Variants in RIC1 observed in about 807,000 individuals in gnomAD.
RIC1 encodes the protein guanine nucleotide exchange factor subunit RIC1.
Under a neutral mutation model 169.0 loss-of-function variants are expected in RIC1, and 88 were observed. The ratio of observed to expected loss-of-function variants is 0.52; its 90% CI spans 0.44 to 0.62. RIC1 has a LOEUF of 0.62. RIC1 is among the 20% of genes least tolerant of loss of function. The pLI is 0.00. For missense variants in RIC1, 1,877 were observed against 1,725.5 expected (o/e 1.09, Z -1.56); for synonymous variants, 790 against 601.5 (o/e 1.31, Z -4.59).
At chr9:5,683,839 G>T (rs1258950241) in intron 2 of RIC1, among the ~76,000 whole-genome samples, 4 of 152,216 alleles carry the variant, frequency 2.6e-5, no homozygotes, top group Non-Finnish European at 4.4e-5. Context: ...CAAGCCTCGG[G>T]AATGGCGGGC....
At chr9:5,732,542 T>TC in intron 7 of RIC1, 63 bp downstream of exon 7, 1 of 1,039,592 alleles carries the variant, frequency 9.6e-7, no homozygotes, top group Non-Finnish European at 1.5e-6. Context: ...GTTTTTTTTT[T>TC]TGTAAACATA....
chr9:5,706,985 T>C (rs1822629902), intron 3 of RIC1, among the ~76,000 whole-genome samples: 1 of 152,182 alleles, frequency 6.6e-6, no homozygotes. Flanking sequence ...CCATAAGGTA[T>C]AAAGTTAGGT....
At chr9:5,750,308 A>T (rs777935591) in intron 12 of RIC1, among the ~76,000 whole-genome samples, 1 of 151,872 alleles carries the variant, frequency 6.6e-6, no homozygotes, top group African/African-American at 2.4e-5. Flanking sequence ...ACATAAATCT[A>T]TTATCCATTG....
At chr9:5,762,407 A>C in intron 17 of RIC1, 134 bp from the exon 18 acceptor site, 6 of 1,074,644 alleles carry the variant, frequency 5.6e-6, no homozygotes, top group Admixed American at 4.9e-5. Flanking sequence ...AGAGCCTAGC[A>C]GAATGGCTGT....
chr9:5,677,742 A>G (rs895241039), intron 2 of RIC1, among the ~76,000 whole-genome samples: 1 of 152,154 alleles, frequency 6.6e-6, no homozygotes, highest in Admixed American at 6.5e-5. Context: ...GAGCATAGAT[A>G]TAAGGGTTAT....
intron 22 of RIC1, among the ~76,000 whole-genome samples, 193 bp from the exon 23 acceptor site, chr9:5,769,894 G>T (rs564120668): frequency 1.3e-5 from 2 of 152,312 alleles, no homozygotes; most frequent in African/African-American, 4.8e-5. Context: ...AGGTGGTATT[G>T]TGGTCAGTCC....
chr9:5,687,978 G>C (rs974702034), intron 2 of RIC1, among the ~76,000 whole-genome samples: 7 of 151,902 alleles, frequency 4.6e-5, no homozygotes, highest in African/African-American at 1.7e-4. Context: ...TCTGATCATT[G>C]TCTAACCTGT....
At chr9:5,778,259 T>C (rs1049212787), downstream of RIC1, among the ~76,000 whole-genome samples, 6 of 152,250 alleles carry the variant, frequency 3.9e-5, no homozygotes, top group African/African-American at 9.6e-5. Flanking sequence ...TATATTGACA[T>C]TGCATCATGC....
chr9:5,694,620 A>T (rs1821780998), intron 3 of RIC1, among the ~76,000 whole-genome samples: 1 of 152,188 alleles, frequency 6.6e-6, no homozygotes. Flanking sequence ...CAGTGTTATT[A>T]TATAAGTTCT....
At chr9:5,769,784 G>T in intron 22 of RIC1, 1 of 285,874 alleles carries the variant, frequency 3.5e-6, no homozygotes, top group Non-Finnish European at 6.4e-6. Context: ...TTGGCATTTG[G>T]AAACTTCATG....
chr9:5,711,637 A>T (rs1331527354), intron 3 of RIC1, among the ~76,000 whole-genome samples: 1 of 152,072 alleles, frequency 6.6e-6, no homozygotes, highest in African/African-American at 2.4e-5. Context: ...CAGGTTTGTT[A>T]CATATGTATA....
rs967730797 is a variant in RIC1 at position 5,775,796 on chromosome 9, A to T, written c.*1550A>T. The T allele has an allele frequency of 6.6e-6, 1 of 152,228 alleles. No homozygotes were observed. Among genetic ancestry groups the T allele is most frequent in the African/African-American group, 2.4e-5 (1 of 41,466 alleles). 9.4% of individuals were successfully genotyped at this position (152,228 alleles called of 1,614,324 possible). A position where few individuals can be genotyped will look rare whatever the true frequency, so the allele number is the denominator to read the frequency against. On this transcript the variant is annotated 3_prime_UTR_variant, in exon 26 of 26. Coordinates refer to ENST00000414202, the MANE Select transcript of RIC1 (RefSeq NM_020829.4). The stretch of plus-strand genomic sequence containing the variant: ...TACTTTTTACATTACAAGTGCAATA[A>T]TATTTCACAAAATGAAACTCCCGAA...
chr9:5,679,326 C>A (rs1486540992), intron 2 of RIC1, among the ~76,000 whole-genome samples: 1 of 152,054 alleles, frequency 6.6e-6, no homozygotes, highest in Non-Finnish European at 1.5e-5. Flanking sequence ...AATGCAGGCT[C>A]TTTTTTGGTT....
At chr9:5,682,868 T>C (rs1298745402) in intron 2 of RIC1, among the ~76,000 whole-genome samples, 1 of 152,214 alleles carries the variant, frequency 6.6e-6, no homozygotes, top group Non-Finnish European at 1.5e-5. Context: ...CGTTTCTTTT[T>C]ATTCTTTTTT....
chr9:5,745,133 G>A (rs184585614), intron 10 of RIC1, among the ~76,000 whole-genome samples: 39 of 152,252 alleles, frequency 2.6e-4, no homozygotes, highest in Non-Finnish European at 2.6e-4. Flanking sequence ...AGTGTTGTCC[G>A]TCTCACTAAG....
intron 1 of RIC1, among the ~76,000 whole-genome samples, chr9:5,635,498 C>G (rs151304525): frequency 6.6e-6 from 1 of 152,048 alleles, no homozygotes; most frequent in Non-Finnish European, 1.5e-5. Context: ...TATATGCATG[C>G]GTGGTTTTAT....
intron 6 of RIC1, among the ~76,000 whole-genome samples, chr9:5,728,722 C>G (rs1200607748): frequency 2.0e-5 from 3 of 152,164 alleles, no homozygotes; most frequent in African/African-American, 7.2e-5. Flanking sequence ...CTGGCCTGCT[C>G]CAAATTAGAC....
intron 1 of RIC1, 74 bp downstream of exon 1, chr9:5,629,527 C>T (rs1351094734): frequency 2.7e-6 from 4 of 1,459,944 alleles, no homozygotes; most frequent in Admixed American, 2.2e-5. Flanking sequence ...CCAACTTCCA[C>T]CCAGAGCCTA....
intron 2 of RIC1, among the ~76,000 whole-genome samples, chr9:5,663,607 G>A (rs544074273): frequency 7.2e-5 from 11 of 152,222 alleles, no homozygotes; most frequent in Non-Finnish European, 1.0e-4. Context: ...TTTAAAGTCT[G>A]TTTTGTGAGA....
Sources: gnomAD v4.1 joint callset for allele counts (sites outside exome capture counted in the v4.1 genomes callset) on GRCh38, gnomAD v4.1.1 for gene constraint, MANE v1.5 for transcripts, NCBI Gene and HGNC (gene_info 2026-07-23, HGNC 2026-07-21) for gene names.